Variants in WASF3 observed in about 807,000 individuals in gnomAD.
The protein encoded by WASF3 is actin-binding protein WASF3.
WASF3 carries 11 observed loss-of-function variants against 46.6 expected under a neutral mutation model. The observed-to-expected ratio is 0.24, with a 90% CI of 0.15 to 0.39. The LOEUF is 0.39. Among genes scored for constraint, WASF3 ranks in the 10% least tolerant of loss-of-function variants. The pLI is 1.00. For synonymous variants in WASF3, 242 were observed against 259.7 expected, an observed-to-expected ratio of 0.93 and a Z score of 0.65; for missense variants, 576 against 669.8, an observed-to-expected ratio of 0.86 and a Z score of 1.55.
At chr13:26,630,799 C>T (rs985444437) in intron 2 of WASF3, among the ~76,000 whole-genome samples, 1 of 152,216 alleles carries the variant, frequency 6.6e-6, no homozygotes, top group Non-Finnish European at 1.5e-5. Flanking sequence ...ATTGCTATTT[C>T]TCCACATCCT....
rs538866473 is a variant in WASF3 at position 26,685,840 on chromosome 13, G to A, written c.1504G>A (p.Asp502Asn). Residue 502 changes from aspartate to asparagine, a missense_variant, in exon 10 of 10, where the codon GAC becomes AAC. By Grantham distance (23) the Asp-to-Asn change is conservative (BLOSUM62 1). Around this residue, in one of 3 missense-constraint regions of WASF3, gnomAD observed 68 missense variants for 100.3 expected, o/e 0.68. Coordinates refer to ENST00000335327, the MANE Select transcript of WASF3 (RefSeq NM_006646.6). ...AGAGTTCGACGAGAACGACTGGTCC[G>A]ACTGAGCAAAGGCCGGCGGAGAGGC... The part of the protein sequence containing the change: ...DSEFDENDWS[D>N] The A allele has an allele frequency of 4.3e-6, 7 of 1,612,598 alleles. No individual in the cohort carries two copies. Among genetic ancestry groups the A allele is most frequent in the African/African-American group, 1.3e-5 (1 of 75,032 alleles).
intron 2 of WASF3, among the ~76,000 whole-genome samples, chr13:26,635,418 G>A (rs889267881): frequency 1.3e-5 from 2 of 152,072 alleles, no homozygotes; most frequent in African/African-American, 4.8e-5. Context: ...TAGCTTCCTT[G>A]CAATGGGTTA....
intron 1 of WASF3, among the ~76,000 whole-genome samples, chr13:26,568,117 G>A (rs554529706): frequency 2.0e-4 from 31 of 152,240 alleles, no homozygotes; most frequent in African/African-American, 6.5e-4. Context: ...GTGTAGGGCC[G>A]TATAGACTGT....
intron 1 of WASF3, among the ~76,000 whole-genome samples, chr13:26,578,028 A>G (rs944910611): frequency 1.3e-5 from 2 of 152,054 alleles, no homozygotes; most frequent in African/African-American, 2.4e-5. Context: ...TTTTTTATGT[A>G]TAGGATCATA....
At position 26,578,993 on chromosome 13, in the gene WASF3, C is replaced by CTTTTTTTTTTT. The variant is rs200299739; in HGVS notation, c.-109+21187_-109+21197dup. Among the ~76,000 whole-genome samples, 383 of 60,604 alleles carry CTTTTTTTTTTT rather than the reference C, an allele frequency of 6.3e-3. 58 individuals carry two copies. The highest frequency in any genetic ancestry group is 0.016 in the Middle Eastern group (1 of 64). 39.8% of individuals were successfully genotyped at this position (60,604 alleles called of 152,430 possible). A position where few individuals can be genotyped will look rare whatever the true frequency, so the allele number is the denominator to read the frequency against. On this transcript the variant is annotated intron_variant, in intron 1 of 9. Coordinates refer to ENST00000335327, the MANE Select transcript of WASF3 (RefSeq NM_006646.6). ...ACCTTATATTCTTGGGATACATTTCCTTTTTTTTTTTTTTTTTTTTTTTGT... is the reference window on the plus strand; with the variant it reads ...ACCTTATATTCTTGGGATACATTTCCTTTTTTTTTTTTTTTTTTTTTTTTTTTTTTTTTTGT...
At chr13:26,642,807 G>T (rs1274920088) in intron 3 of WASF3, among the ~76,000 whole-genome samples, 2 of 152,132 alleles carry the variant, frequency 1.3e-5, no homozygotes, top group Non-Finnish European at 2.9e-5. Flanking sequence ...CCTGTAATAT[G>T]CCTGGCACAT....
At chr13:26,666,893 G>A (rs1016770494) in intron 4 of WASF3, among the ~76,000 whole-genome samples, 10 of 141,004 alleles carry the variant, frequency 7.1e-5, no homozygotes, top group South Asian at 2.2e-4. Flanking sequence ...AAAAAAAAGA[G>A]GTGAGTTAAT....
intron 3 of WASF3, among the ~76,000 whole-genome samples, chr13:26,647,101 A>G (rs1246671544): frequency 6.6e-6 from 1 of 152,204 alleles, no homozygotes; most frequent in Non-Finnish European, 1.5e-5. Context: ...TAAATTTTTA[A>G]CAGGCTTTTT....
the WASF3 span, among the ~76,000 whole-genome samples, chr13:26,545,145 C>A: frequency 6.6e-6 from 1 of 152,188 alleles, no homozygotes. Context: ...AAACCAGAGG[C>A]AACCCAGGAC....
At position 26,596,236 on chromosome 13, in the gene WASF3, ATGT is replaced by A. The variant is rs1880456836; in HGVS notation, c.-108-16722_-108-16720del. Among the ~76,000 whole-genome samples the A allele has an allele frequency of 2.6e-5, 4 of 151,880 alleles. No individual in the cohort carries two copies. In the South Asian group the frequency reaches 8.3e-4, roughly 32 times the overall value. ...ATTTGCATTCTTCTAATGCCTAATA[ATGT>A]TGACCATCTTTTCTTCTGCTTATTT... is the stretch of plus-strand genomic sequence containing the variant. On this transcript the variant is annotated intron_variant, in intron 1 of 9. Transcript: ENST00000335327.
At position 26,685,959 on chromosome 13, in the gene WASF3, G is replaced by A; in HGVS notation, c.*114G>A. ...GCATAGCACCTTTTGTATAAACAAT[G>A]TGATATTGCTTCTGCACATCCAAAA... On this transcript the variant is annotated 3_prime_UTR_variant, in exon 10 of 10. Coordinates refer to ENST00000335327, the MANE Select transcript of WASF3 (RefSeq NM_006646.6). 7.2e-7 allele frequency: 1 copy of A among 1,387,920 alleles called. No homozygotes were observed. Among genetic ancestry groups the A allele is most frequent in the Non-Finnish European group, 9.6e-7 (1 of 1,041,778 alleles). 86.0% of individuals were successfully genotyped at this position (1,387,920 alleles called of 1,614,324 possible).
At position 26,566,052 on chromosome 13, in the gene WASF3, CTTGCCACACAGGAGT is replaced by C. The variant is rs1879455598; in HGVS notation, c.-109+8236_-109+8250del. On this transcript the variant is annotated intron_variant, in intron 1 of 9. Coordinates refer to ENST00000335327, the MANE Select transcript of WASF3 (RefSeq NM_006646.6). ...TAAGCTATAATTATGGTTACTTTTT[CTTGCCACACAGGAGT>C]TTAGAAATTTGTGGTTTTATTTCTT... Among the ~76,000 whole-genome samples the C allele has an allele frequency of 9.2e-5, 14 of 152,282 alleles. No homozygotes were observed. The South Asian group carries it at 2.9e-3, about 32-fold the overall frequency.
chr13:26,676,442 C>A, intron 6 of WASF3, 107 bp from the exon 7 acceptor site: 1 of 1,237,676 alleles, frequency 8.1e-7, no homozygotes, highest in Non-Finnish European at 1.1e-6. Flanking sequence ...GCGAATGTGT[C>A]TTGTCTGTTC....
intron 1 of WASF3, among the ~76,000 whole-genome samples, chr13:26,611,801 A>T (rs8000907): frequency 0.5 from 75,543 of 151,792 alleles, 19,002 homozygotes; most frequent in East Asian, 0.62. Context: ...GTAAAATAGG[A>T]TGTATAAAAT....
At chr13:26,642,861 A>G (rs1882040243) in intron 3 of WASF3, among the ~76,000 whole-genome samples, 1 of 152,184 alleles carries the variant, frequency 6.6e-6, no homozygotes, top group Admixed American at 6.5e-5. Context: ...AACATCCCAA[A>G]TGAACCATAG....
intron 1 of WASF3, among the ~76,000 whole-genome samples, chr13:26,592,111 C>T (rs1179320448): frequency 6.8e-6 from 1 of 147,970 alleles, no homozygotes; most frequent in African/African-American, 2.5e-5. Flanking sequence ...ATAAGCTTTG[C>T]TGAACTGCAG....
chr13:26,602,123 A>G (rs1011573864), intron 1 of WASF3, among the ~76,000 whole-genome samples: 1 of 152,180 alleles, frequency 6.6e-6, no homozygotes, highest in Non-Finnish European at 1.5e-5. Flanking sequence ...CTCAAACAGT[A>G]CTAACTCTTC....
At chr13:26,633,272 A>G (rs1881714872) in intron 2 of WASF3, among the ~76,000 whole-genome samples, 1 of 133,880 alleles carries the variant, frequency 7.5e-6, no homozygotes, top group Non-Finnish European at 1.5e-5. Context: ...GCGTCATCTC[A>G]GCTCATCACA....
intron 3 of WASF3, among the ~76,000 whole-genome samples, chr13:26,643,047 TATTCTC>T (rs1282370437): frequency 6.6e-6 from 1 of 152,256 alleles, no homozygotes; most frequent in African/African-American, 2.4e-5. Flanking sequence ...GGCTGCTTCT[TATTCTC>T]ATTTTGAATA....
Sources: gnomAD v4.1 joint callset for allele counts (sites outside exome capture counted in the v4.1 genomes callset) on GRCh38, gnomAD v4.1.1 for gene constraint, gnomAD v4.1.1 regional missense constraint, MANE v1.5 for transcripts, NCBI Gene and HGNC (gene_info 2026-07-23, HGNC 2026-07-21) for gene names.